Variants in MALRD1 observed in about 807,000 individuals in gnomAD.
The protein encoded by MALRD1 is MAM and LDL-receptor class A domain-containing protein 1.
Under a neutral mutation model 242.1 loss-of-function variants are expected in MALRD1, and 247 were observed. The ratio of observed to expected loss-of-function variants is 1.02; its 90% CI spans 0.92 to 1.13. The LOEUF is 1.13. Among genes scored for constraint, MALRD1 ranks in the 50% most tolerant of loss-of-function variants. The pLI, the probability that MALRD1 is intolerant of heterozygous loss-of-function variation, is 0.00. For missense variants in MALRD1, 2,989 were observed against 2,533.1 expected, an observed-to-expected ratio of 1.18 and a Z score of -3.86; for synonymous variants, 995 against 866.6, an observed-to-expected ratio of 1.15 and a Z score of -2.60.
At position 19,449,774 on chromosome 10, in the gene MALRD1, CAAACCTCCATGA is replaced by C. The variant is rs1835217966; in HGVS notation, c.4846-532_4846-521del. Among the ~76,000 whole-genome samples, 3 of 152,254 alleles carry C rather than the reference CAAACCTCCATGA, an allele frequency of 2.0e-5. No homozygotes were observed. The South Asian group carries it at 6.2e-4, about 32-fold the overall frequency. On this transcript the variant is annotated intron_variant, in intron 28 of 39. Transcript: ENST00000454679. ...CTGGTTGACAAAATAATCTGTACATCAAACCTCCATGACAGGAGTTTGCCTGTATAGCAAACC... is the reference window on the plus strand; with the variant it reads ...CTGGTTGACAAAATAATCTGTACATCCAGGAGTTTGCCTGTATAGCAAACC...
intron 29 of MALRD1, among the ~76,000 whole-genome samples, chr10:19,483,818 A>G (rs7922672): frequency 0.81 from 122,789 of 152,114 alleles, 49,935 homozygotes; most frequent in East Asian, 1. Flanking sequence ...AAAAAGATGC[A>G]TGAATGCATA....
In MALRD1 at chr10:19,406,154, AAG is replaced by A. The variant is rs146636144; in HGVS notation, c.4845+16552_4845+16553del. Among the ~76,000 whole-genome samples, 1,119 of 152,342 alleles carry A rather than the reference AAG, an allele frequency of 7.3e-3. 11 individuals carry two copies. The highest frequency in any genetic ancestry group is 0.011 in the Non-Finnish European group (771 of 68,030). On this transcript the variant is annotated intron_variant, in intron 28 of 39. Coordinates refer to ENST00000454679, the MANE Select transcript of MALRD1 (RefSeq NM_001142308.3). ...GGGCCACCAAATGCTATACCAGTGG[AAG>A]AGAGAGTGCTTTGGAAACTATAAAG...
At chr10:19,714,428 T>C (rs1355410797) in intron 38 of MALRD1, among the ~76,000 whole-genome samples, 1 of 151,934 alleles carries the variant, frequency 6.6e-6, no homozygotes, top group Non-Finnish European at 1.5e-5. Context: ...TCCACCAGAG[T>C]GTTCCTCTCG....
chr10:19,520,004 G>A (rs1833806256), intron 31 of MALRD1, among the ~76,000 whole-genome samples: 1 of 152,112 alleles, frequency 6.6e-6, no homozygotes, highest in African/African-American at 2.4e-5. Context: ...CAAAACTGAT[G>A]TGACCCTTTG....
chr10:19,054,149 CAT>C (rs1289684456), intron 1 of MALRD1, among the ~76,000 whole-genome samples: 1 of 151,924 alleles, frequency 6.6e-6, no homozygotes, highest in Non-Finnish European at 1.5e-5. Flanking sequence ...GCTTTTAAGT[CAT>C]ATTTTTAAAA....
intron 2 of MALRD1, 117 bp from the exon 3 acceptor site, chr10:19,087,722 AT>A: frequency 2.2e-6 from 1 of 451,698 alleles, no homozygotes; most frequent in Non-Finnish European, 3.6e-6. Flanking sequence ...TCTTTTAGTT[AT>A]TTTTGAATGT....
chr10:19,591,581 C>T (rs1837787836), intron 33 of MALRD1, among the ~76,000 whole-genome samples: 1 of 149,630 alleles, frequency 6.7e-6, no homozygotes, highest in African/African-American at 2.5e-5. Flanking sequence ...TCACTGCAAC[C>T]TTCGCCTCCT....
intron 4 of MALRD1, among the ~76,000 whole-genome samples, chr10:19,100,186 G>A (rs968328626): frequency 1.3e-5 from 2 of 151,952 alleles, no homozygotes; most frequent in African/African-American, 4.8e-5. Context: ...AATTATGCCT[G>A]ATGTGTCTTG....
chr10:19,293,013 T>C (rs989933337), intron 21 of MALRD1, among the ~76,000 whole-genome samples: 1 of 151,912 alleles, frequency 6.6e-6, no homozygotes, highest in Non-Finnish European at 1.5e-5. Context: ...GAAAATATTA[T>C]AATTTTTTTC....
At chr10:19,637,679 A>AC in intron 36 of MALRD1, among the ~76,000 whole-genome samples, 1 of 151,646 alleles carries the variant, frequency 6.6e-6, no homozygotes, top group South Asian at 2.1e-4. Context: ...CTTGGTGGGC[A>AC]CCTGGGGCTA....
chr10:19,579,167 G>T (rs1836977879), intron 33 of MALRD1, among the ~76,000 whole-genome samples: 2 of 152,094 alleles, frequency 1.3e-5, no homozygotes, highest in African/African-American at 4.8e-5. Flanking sequence ...GGAAGTTATG[G>T]TATCACAGCC....
chr10:19,684,136 A>G (rs1842480830), intron 36 of MALRD1, among the ~76,000 whole-genome samples: 1 of 152,170 alleles, frequency 6.6e-6, no homozygotes, highest in Non-Finnish European at 1.5e-5. Flanking sequence ...TTATGTCTGC[A>G]TATTTTAACT....
chr10:19,482,144 T>A (rs185375185), intron 29 of MALRD1, among the ~76,000 whole-genome samples: 4 of 152,178 alleles, frequency 2.6e-5, no homozygotes, highest in Admixed American at 2.6e-4. Context: ...AGATTACAAC[T>A]TTTATAAGAA....
At chr10:19,399,928 A>C (rs7917070) in intron 28 of MALRD1, among the ~76,000 whole-genome samples, 131,993 of 152,136 alleles carry the variant, frequency 0.87, 57,597 homozygotes, top group African/African-American at 0.91. Context: ...TATAAACAAA[A>C]AAAACTGAGC....
At chr10:19,583,400 C>G (rs1201003168) in intron 33 of MALRD1, among the ~76,000 whole-genome samples, 3 of 151,118 alleles carry the variant, frequency 2.0e-5, no homozygotes, top group African/African-American at 2.4e-5. Flanking sequence ...TACGTCCCAT[C>G]AATACCTAAT....
intron 18 of MALRD1, among the ~76,000 whole-genome samples, chr10:19,244,217 T>C (rs1309583485): frequency 6.6e-6 from 1 of 152,186 alleles, no homozygotes; most frequent in Non-Finnish European, 1.5e-5. Flanking sequence ...TTCAACTCAC[T>C]GGTTCCTTAG....
At chr10:19,694,001 G>T (rs1833239152) in intron 38 of MALRD1, among the ~76,000 whole-genome samples, 1 of 152,102 alleles carries the variant, frequency 6.6e-6, no homozygotes, top group African/African-American at 2.4e-5. Flanking sequence ...AATAAATGGT[G>T]CTGGGAAAAC....
chr10:19,700,689 A>G (rs1564552300), intron 38 of MALRD1, among the ~76,000 whole-genome samples: 1 of 152,046 alleles, frequency 6.6e-6, no homozygotes, highest in African/African-American at 2.4e-5. Flanking sequence ...CCTTTCCTTC[A>G]TACCTTCTCT....
At chr10:19,150,828 C>T (rs945726222) in intron 11 of MALRD1, among the ~76,000 whole-genome samples, 2 of 152,070 alleles carry the variant, frequency 1.3e-5, no homozygotes, top group African/African-American at 4.8e-5. Flanking sequence ...TTGGATATAC[C>T]ATAATGTATC....
Sources: gnomAD v4.1 joint callset for allele counts (sites outside exome capture counted in the v4.1 genomes callset) on GRCh38, gnomAD v4.1.1 for gene constraint, MANE v1.5 for transcripts, NCBI Gene and HGNC (gene_info 2026-07-23, HGNC 2026-07-21) for gene names.